NCL: variants seen among roughly 807,000 people sequenced by gnomAD.
NCL encodes nucleolin multifunctional protein.
NCL carries 4 observed loss-of-function variants against 77.7 expected under a neutral mutation model. The observed-to-expected ratio is 0.05, with a 90% CI of 0.03 to 0.12. The LOEUF (loss-of-function observed/expected upper bound fraction) is 0.12. Ranked by LOEUF, NCL falls within the 10% of genes least tolerant of loss-of-function variation. NCL has a pLI of 1.00. For missense variants in NCL, 763 were observed against 860.9 expected, an observed-to-expected ratio of 0.89 and a Z score of 1.42; for synonymous variants, 344 against 297.8, an observed-to-expected ratio of 1.16 and a Z score of -1.60.
intron 4 of NCL, 45 bp from the exon 5 acceptor site, chr2:231,460,609 A>G: frequency 6.2e-7 from 1 of 1,614,100 alleles, no homozygotes; most frequent in Non-Finnish European, 8.5e-7. Context: ...GTAGCCACAA[A>G]CACTTAAGTG....
At chr2:231,463,454 G>C in intron 1 of NCL, 138 bp from the exon 2 acceptor site, 1 of 720,612 alleles carries the variant, frequency 1.4e-6, no homozygotes, top group Non-Finnish European at 2.5e-6. Context: ...AACTAACATA[G>C]AAACTACTCC....
At chr2:231,455,658 A>C (rs2046879381) in intron 12 of NCL, 34 bp from the exon 13 acceptor site, 1 of 1,602,826 alleles carries the variant, frequency 6.2e-7, no homozygotes, top group South Asian at 1.1e-5. Context: ...CATTATAAAA[A>C]GCACCTACTA....
chr2:231,461,503 A>G, intron 3 of NCL, 37 bp downstream of exon 3: 1 of 1,598,208 alleles, frequency 6.3e-7, no homozygotes, highest in African/African-American at 1.3e-5. Context: ...GATACCTTGT[A>G]ATCAGAAGCC....
intron 1 of NCL, 187 bp downstream of exon 1, chr2:231,464,149 A>C: frequency 5.0e-6 from 7 of 1,404,148 alleles, no homozygotes; most frequent in Non-Finnish European, 6.5e-6. Context: ...GCACCTGCAG[A>C]AGCTCTTCAC....
intron 11 of NCL, chr2:231,456,361 G>A: frequency 1.1e-6 from 1 of 888,618 alleles, no homozygotes; most frequent in Non-Finnish European, 1.8e-6. Flanking sequence ...TCTATGGAAA[G>A]TGGGAGAAGC....
chr2:231,463,243 T>C lies in NCL; in HGVS notation c.92A>G (p.Glu31Gly). 6.2e-7 allele frequency: 1 copy of C among 1,612,174 alleles called. No individual in the cohort carries two copies. The highest frequency in any genetic ancestry group is 1.1e-5 in the South Asian group (1 of 90,384). The part of the protein sequence containing the change: ...PKEVEEDSED[E>G]EMSEDEEDDS... ...ATCTTCTTCATCTTCTGACATTTCC[T>C]CATCTTCACTATCTTCTTCTACCTC... Residue 31 changes from glutamate (E) to glycine (G), a missense_variant, in exon 2 of 14, where the codon GAG (glutamate) becomes GGG (glycine). By Grantham distance (98) the Glu-to-Gly change is moderately conservative (BLOSUM62 -2). Coordinates refer to ENST00000322723, the MANE Select transcript of NCL (RefSeq NM_005381.3).
rs769669206 is a variant in NCL, at chr2:231,460,133, C to T, written c.1040+19G>A. ...CATTAACAGACCCACGTGTATGTAA[C>T]GTGCAGTGAAGCACTTACCTAGTCA... On this transcript the variant is annotated intron_variant, in intron 6 of 13. Coordinates refer to ENST00000322723, the MANE Select transcript of NCL (RefSeq NM_005381.3). 8.1e-6 allele frequency: 13 copies of T among 1,603,648 alleles called. No homozygotes were observed. Among genetic ancestry groups the T allele is most frequent in the Admixed American group, 6.9e-5 (4 of 58,068 alleles).
intron 5 of NCL, 60 bp downstream of exon 5, chr2:231,460,418 C>G: frequency 6.3e-7 from 1 of 1,589,778 alleles, no homozygotes; most frequent in South Asian, 1.1e-5. Context: ...TATTAAGTCC[C>G]TTTGTTATTC....
intron 1 of NCL, chr2:231,464,019 G>A: frequency 1.1e-6 from 1 of 890,470 alleles, no homozygotes; most frequent in South Asian, 2.9e-5. Context: ...ACGTGCGTCA[G>A]GAGTCGAGTC....
intron 11 of NCL, 65 bp from the exon 12 acceptor site, chr2:231,456,201 T>C: frequency 1.3e-6 from 2 of 1,593,214 alleles, no homozygotes; most frequent in Non-Finnish European, 1.7e-6. Flanking sequence ...ATTTGCACAA[T>C]GCCTAGTATG....
chr2:231,463,131 C>A, intron 2 of NCL, 69 bp downstream of exon 2: 29 of 1,174,934 alleles, frequency 2.5e-5, no homozygotes, highest in Non-Finnish European at 3.3e-5. Context: ...CCACAGATAT[C>A]CAATTTCATG....
Position 231,455,433 on chromosome 2 carries a change from C to G in NCL, c.2024G>C (p.Gly675Ala). The change falls in exon 13 of 14, where the codon GGA becomes GCA. Residue 675 changes from glycine (G) to alanine (A), a missense_variant. Physicochemically the swap from Gly to Ala is moderately conservative, Grantham distance 60. Transcript: ENST00000322723. ...GCCTCCCCGGCCTCTGCCACCAAAT[C>G]CTCCTCGGCCTCCTCTACCACCACC... ...GRGGGRGGRGGFGGRGRGGFG... is the reference protein window; with the variant it reads ...GRGGGRGGRGAFGGRGRGGFG... 1 of 1,614,126 alleles carries G rather than the reference C, an allele frequency of 6.2e-7. No homozygotes were observed. The highest frequency in any genetic ancestry group is 8.5e-7 in the Non-Finnish European group (1 of 1,179,992).
intron 13 of NCL, 56 bp downstream of exon 13, chr2:231,455,345 G>C: frequency 6.2e-7 from 1 of 1,613,366 alleles, no homozygotes; most frequent in South Asian, 1.1e-5. Flanking sequence ...ACCGTGACAG[G>C]GCACAGGGTC....
intron 3 of NCL, 89 bp downstream of exon 3, chr2:231,461,451 C>T: frequency 6.5e-7 from 1 of 1,538,720 alleles, no homozygotes. Flanking sequence ...AATCTCATCT[C>T]CAGGTTGTCG....
chr2:231,458,222 ATTAATG>A (rs746967782), intron 8 of NCL, 38 bp downstream of exon 8: 9 of 1,590,574 alleles, frequency 5.7e-6, no homozygotes, highest in South Asian at 1.1e-5. Context: ...AGGAAAGTGC[ATTAATG>A]TTAATAAAAC....
intron 8 of NCL, 83 bp downstream of exon 8, chr2:231,458,182 GA>G: frequency 6.5e-7 from 1 of 1,541,964 alleles, no homozygotes; most frequent in Non-Finnish European, 8.8e-7. Context: ...CACGCCTAAG[GA>G]AATCAAACCA....
At chr2:231,460,329 T>C (rs776985019) in intron 5 of NCL, 36 bp from the exon 6 acceptor site, 9 of 1,614,102 alleles carry the variant, frequency 5.6e-6, no homozygotes, top group Non-Finnish European at 6.8e-6. Flanking sequence ...CTACTTGTAG[T>C]GTGGTAAAAA....
At position 231,463,355 on chromosome 2, in the gene NCL, G is replaced by A. The variant is rs761203089; in HGVS notation, c.19-39C>T. 3.8e-6 allele frequency: 5 copies of A among 1,300,094 alleles called. No homozygotes were observed. The East Asian group carries it at 6.9e-5, about 18-fold the overall frequency. 80.5% of individuals were successfully genotyped at this position (1,300,094 alleles called of 1,614,324 possible). A position where few individuals can be genotyped will look rare whatever the true frequency, so the allele number is the denominator to read the frequency against. On this transcript the variant is annotated intron_variant, in intron 1 of 13. Transcript: ENST00000322723. The stretch of plus-strand genomic sequence containing the variant: ...AAATAGATCATTACACCTCCACCTC[G>A]ACATTTCAGGCCATTCATATTTTGC...
chr2:231,455,207 T>G lies in NCL; in HGVS notation c.2117A>C (p.Lys706Thr). ...GGACAGAAGCTATTCAAACTTCGTCTTCTTTCCTTGTGGCTTGTGGTCACC... is the reference window on the plus strand; with the variant it reads ...GGACAGAAGCTATTCAAACTTCGTCGTCTTTCCTTGTGGCTTGTGGTCACC... Reference protein sequence around the residue: ...GGGDHKPQGKKTKFE With the variant: ...GGGDHKPQGKTTKFE The change falls in exon 14 of 14, where the codon AAG (lysine) becomes ACG (threonine). Residue 706 changes from lysine to threonine, a missense_variant. Transcript: ENST00000322723. 7 of 1,614,256 alleles carry G rather than the reference T, an allele frequency of 4.3e-6. No individual in the cohort carries two copies. The highest frequency in any genetic ancestry group is 5.9e-6 in the Non-Finnish European group (7 of 1,180,050).
Sources: gnomAD v4.1 joint callset for allele counts on GRCh38, gnomAD v4.1.1 for gene constraint, MANE v1.5 for transcripts, NCBI Gene and HGNC (gene_info 2026-07-23, HGNC 2026-07-21) for gene names.